Variants in EPN2 observed in about 807,000 individuals in gnomAD.
The protein encoded by EPN2 is epsin 2.
A neutral mutation model predicts 61.7 loss-of-function variants in EPN2; 34 were observed. The observed-to-expected ratio is 0.55, with a 90% CI of 0.42 to 0.73. The LOEUF (loss-of-function observed/expected upper bound fraction) is 0.73. Among genes scored for constraint, EPN2 ranks in the 30% least tolerant of loss-of-function variants. EPN2 has a pLI of 0.00. For synonymous variants in EPN2, 349 were observed against 353.6 expected (o/e 0.99, Z 0.15); for missense variants, 714 against 839.2 (o/e 0.85, Z 1.84).
intron 1 of EPN2, among the ~76,000 whole-genome samples, chr17:19,281,569 TGTTTCTGTG>T (rs2045359141): frequency 6.6e-6 from 1 of 152,232 alleles, no homozygotes; most frequent in East Asian, 1.9e-4. Context: ...AGCTACCTGT[TGTTTCTGTG>T]GCAGAAACAT....
intron 8 of EPN2, 124 bp downstream of exon 8, chr17:19,329,011 A>C: frequency 2.3e-6 from 2 of 851,694 alleles, no homozygotes; most frequent in Non-Finnish European, 3.6e-6. Context: ...CCTCCCCCTT[A>C]GCCTTTGTTC....
chr17:19,311,212 A>G (rs577020980), intron 5 of EPN2, among the ~76,000 whole-genome samples: 1 of 152,214 alleles, frequency 6.6e-6, no homozygotes, highest in Non-Finnish European at 1.5e-5. Context: ...GCAGTGGGAA[A>G]CAGGCCACCA....
chr17:19,312,908 A>G, intron 6 of EPN2, 197 bp from the exon 7 acceptor site: 1 of 592,920 alleles, frequency 1.7e-6, no homozygotes, highest in Non-Finnish European at 3.0e-6. Context: ...AGCAAACAGT[A>G]AATAGCTTGT....
intron 4 of EPN2, among the ~76,000 whole-genome samples, chr17:19,299,249 G>T (rs1273932604): frequency 1.3e-5 from 2 of 152,324 alleles, no homozygotes; most frequent in East Asian, 3.9e-4. Flanking sequence ...CTAAGAAATT[G>T]TTGCAGGCAT....
At chr17:19,297,032 T>C (rs1162418096) in intron 4 of EPN2, 2 of 152,266 alleles carry the variant, frequency 1.3e-5, no homozygotes, top group East Asian at 3.8e-4. Flanking sequence ...CTGTGGTTCC[T>C]ACACACCCTG....
intron 7 of EPN2, among the ~76,000 whole-genome samples, chr17:19,328,078 G>A (rs914543946): frequency 4.4e-4 from 67 of 151,928 alleles, no homozygotes; most frequent in African/African-American, 1.5e-3. Flanking sequence ...TTTTTTCTCT[G>A]TTTTTTAAAG....
At chr17:19,308,619 G>A (rs1203322123) in intron 4 of EPN2, 3 of 985,242 alleles carry the variant, frequency 3.0e-6, no homozygotes, top group African/African-American at 3.5e-5. Context: ...AGGTGGGTGC[G>A]CTGAGGGAAC....
intron 1 of EPN2, among the ~76,000 whole-genome samples, chr17:19,258,514 AT>A (rs1423286459): frequency 6.6e-6 from 1 of 152,138 alleles, no homozygotes; most frequent in East Asian, 1.9e-4. Context: ...ACAATGGGAA[AT>A]TGGCAGTGGG....
chr17:19,282,829 T>C (rs1254459165), intron 2 of EPN2, 121 bp from the exon 3 acceptor site: 4 of 333,338 alleles, frequency 1.2e-5, no homozygotes, highest in Non-Finnish European at 2.2e-5. Context: ...GGGTTCGTCC[T>C]AAGGAGGCTG....
intron 5 of EPN2, among the ~76,000 whole-genome samples, chr17:19,311,652 C>T (rs980301913): frequency 2.0e-5 from 3 of 152,138 alleles, no homozygotes; most frequent in Admixed American, 6.5e-5. Flanking sequence ...TGGAATGATA[C>T]GTGATTTTTA....
At chr17:19,287,537 T>G (rs568194774) in intron 4 of EPN2, among the ~76,000 whole-genome samples, 1 of 152,314 alleles carries the variant, frequency 6.6e-6, no homozygotes, top group East Asian at 1.9e-4. Context: ...TTCTTGATGC[T>G]TCACAAAGGG....
Position 19,248,089 on chromosome 17 carries a change from G to A in EPN2, c.-294+10558G>A, listed in dbSNP as rs73308444. ...TGTGTGCTTGGAGGAGCCTCTGGGA[G>A]TGTCAGGGATTGGAAGGGGAAAATT... On this transcript the variant is annotated intron_variant, in intron 1 of 10. Transcript: ENST00000314728. Among the ~76,000 whole-genome samples the A allele has an allele frequency of 5.0e-3, 759 of 152,314 alleles. 5 individuals carry two copies. Among genetic ancestry groups the A allele is most frequent in the African/African-American group, 0.017 (700 of 41,556 alleles).
intron 1 of EPN2, among the ~76,000 whole-genome samples, chr17:19,262,056 G>A (rs1432030927): frequency 2.6e-5 from 4 of 151,992 alleles, no homozygotes; most frequent in Non-Finnish European, 5.9e-5. Context: ...GCATGGTGGC[G>A]CATCCCTGTA....
intron 1 of EPN2, chr17:19,276,630 A>T (rs985473217): frequency 5.9e-5 from 9 of 152,170 alleles, no homozygotes. Context: ...ACAGAATTGT[A>T]CAAGTTCATG....
chr17:19,260,627 T>C (rs1197886570), intron 1 of EPN2, among the ~76,000 whole-genome samples: 1 of 146,488 alleles, frequency 6.8e-6, no homozygotes, highest in African/African-American at 2.5e-5. Context: ...GAATGGAACT[T>C]TTTTTTTTTT....
intron 1 of EPN2, among the ~76,000 whole-genome samples, chr17:19,278,325 G>A (rs778577154): frequency 6.6e-5 from 10 of 152,060 alleles, no homozygotes; most frequent in East Asian, 3.8e-4. Flanking sequence ...AGACATACCC[G>A]AGACTGGGAA....
intron 1 of EPN2, among the ~76,000 whole-genome samples, chr17:19,250,111 T>TC (rs57512460): frequency 2.0e-5 from 3 of 151,972 alleles, no homozygotes; most frequent in African/African-American, 7.3e-5. Flanking sequence ...TTTTTTTTTT[T>TC]CAGACGGAGC....
chr17:19,245,902 T>G (rs1160398448), intron 1 of EPN2, among the ~76,000 whole-genome samples: 2 of 152,008 alleles, frequency 1.3e-5, no homozygotes, highest in Non-Finnish European at 2.9e-5. Context: ...TGACCTCAGG[T>G]GATCTGCCCG....
chr17:19,274,416 G>C (rs1004021876), intron 1 of EPN2: 1 of 152,196 alleles, frequency 6.6e-6, no homozygotes, highest in Non-Finnish European at 1.5e-5. Context: ...TACATAGGTG[G>C]AGCTACCATC....
Sources: gnomAD v4.1 joint callset for allele counts (sites outside exome capture counted in the v4.1 genomes callset) on GRCh38, gnomAD v4.1.1 for gene constraint, MANE v1.5 for transcripts, NCBI Gene and HGNC (gene_info 2026-07-23, HGNC 2026-07-21) for gene names.